MAP3K4: variants seen among roughly 807,000 people sequenced by gnomAD.
MAP3K4 encodes the protein MAP three kinase 1.
A neutral mutation model predicts 185.6 loss-of-function variants in MAP3K4; 67 were observed. That is an observed-to-expected ratio of 0.36 (90% CI 0.30 to 0.44). The LOEUF (loss-of-function observed/expected upper bound fraction) is 0.44, where lower values mean the gene tolerates loss of function less well. MAP3K4 is among the 20% of genes least tolerant of loss of function. The pLI, the probability that MAP3K4 is intolerant of heterozygous loss-of-function variation, is 1.00. For missense variants in MAP3K4, 1,551 were observed against 1,995.1 expected, an observed-to-expected ratio of 0.78 and a Z score of 4.24; for synonymous variants, 702 against 710.4, an observed-to-expected ratio of 0.99 and a Z score of 0.19.
chr6:161,070,775 T>C lies in MAP3K4; in HGVS notation c.1875T>C (p.Asn625=). The change falls in exon 4 of 27, where the codon AAT becomes AAC. Residue 625 remains asparagine, a synonymous_variant. Transcript: ENST00000392142. The surrounding 1 kb of genome is among the most constrained non-coding windows in gnomAD (Gnocchi z 4.5). ...AFLVLCRVLL[N]VIHECLKLRL... ...TAGTTCTCTGCCGAGTCCTTCTGAA[T>C]GTCATACATGAGTGTCTGAAGTTAA... 1 of 1,614,150 alleles carries C rather than the reference T, an allele frequency of 6.2e-7. No individual in the cohort carries two copies.
At chr6:161,052,886 A>G (rs755614024) in intron 3 of MAP3K4, among the ~76,000 whole-genome samples, 10 of 152,140 alleles carry the variant, frequency 6.6e-5, no homozygotes, top group South Asian at 2.1e-4. Flanking sequence ...CTTTCTTACC[A>G]TAGAACGTTG....
Position 161,084,702 on chromosome 6 carries a change from A to C in MAP3K4, c.2372+85A>C. On this transcript the variant is annotated intron_variant, in intron 7 of 26. Transcript: ENST00000392142. The surrounding 1 kb of genome is among the most constrained non-coding windows in gnomAD (Gnocchi z 4.6). ...TGAGATCCTAGAAGGAGCCTTGTTC[A>C]AACCAAATTGTGTTGGCCTGGAAGA... is the stretch of plus-strand genomic sequence containing the variant. 1.3e-6 allele frequency: 1 copy of C among 756,166 alleles called. No individual in the cohort carries two copies. The highest frequency in any genetic ancestry group is 2.3e-6 in the Non-Finnish European group (1 of 433,748). The allele number at this position is 756,166 out of a possible 1,614,324, so 46.8% of individuals were successfully genotyped here.
Position 160,991,915 on chromosome 6 carries a change from CG to C in MAP3K4, c.-13del. The C allele has an allele frequency of 6.6e-7, 1 of 1,511,016 alleles. No homozygotes were observed. Among genetic ancestry groups the C allele is most frequent in the Non-Finnish European group, 8.8e-7 (1 of 1,137,946 alleles). 93.6% of individuals were successfully genotyped at this position (1,511,016 alleles called of 1,614,324 possible). On this transcript the variant is annotated 5_prime_UTR_variant, in exon 1 of 27. Transcript: ENST00000392142. The surrounding 1 kb of genome is among the most constrained non-coding windows in gnomAD (Gnocchi z 5.7). ...CAGCTTACTGCCCGCCGCGGCCATG[CG>C]GGGCTCCGTGCACGGATGAGAGAAG...
Position 161,088,772 on chromosome 6 carries a change from A to T in MAP3K4, c.2824-550A>T, listed in dbSNP as rs1785867756. Among the ~76,000 whole-genome samples the T allele has an allele frequency of 6.6e-6, 1 of 152,136 alleles. No homozygotes were observed. Among genetic ancestry groups the T allele is most frequent in the Admixed American group, 6.5e-5 (1 of 15,272 alleles). On this transcript the variant is annotated intron_variant, in intron 10 of 26. Coordinates refer to ENST00000392142, the MANE Select transcript of MAP3K4 (RefSeq NM_005922.4). This position sits in a 1 kb window ranked among gnomAD's most constrained non-coding sequence, Gnocchi z 4.5. The stretch of plus-strand genomic sequence containing the variant: ...TCTGACTTTGAGTTTCCCTGCTTCA[A>T]ACCTCACCTTCTGTCTCTCCAATTC...
rs751194442 is a variant in MAP3K4 at position 161,009,299 on chromosome 6, G to A, written c.152+17216G>A. On this transcript the variant is annotated intron_variant, in intron 1 of 26. Coordinates refer to ENST00000392142, the MANE Select transcript of MAP3K4 (RefSeq NM_005922.4). ...GTGGCCGCCTGAACCATTTTTAAGG[G>A]TACAGTTCAGTAGCGTTGTTAAGTA... is the stretch of plus-strand genomic sequence containing the variant. 6.0e-4 allele frequency among the ~76,000 whole-genome samples: 91 copies of A among 152,048 alleles called. 2 individuals are homozygous for A. Among genetic ancestry groups the A allele is most frequent in the Admixed American group, 1.1e-3 (17 of 15,252 alleles).
In MAP3K4 at chr6:161,048,712, G is replaced by A. The variant is rs200950731; in HGVS notation, c.440G>A (p.Arg147Gln). 7.4e-6 allele frequency: 12 copies of A among 1,613,836 alleles called. No homozygotes were observed. The Admixed American group carries it at 1.0e-4, about 13-fold the overall frequency. ...AGCTATAAGCAGGAGAAAAAGATCC[G>A]AGCAGCTCTTAGAACAACAGAGCGT... ...EYSYKQEKKIRAALRTTERDR... is the reference protein window; with the variant it reads ...EYSYKQEKKIQAALRTTERDR... The change falls in exon 3 of 27, where the codon CGA becomes CAA. Residue 147 changes from arginine to glutamine, a missense_variant. By Grantham distance (43) the Arg-to-Gln change is conservative. Around this residue, in one of 16 missense-constraint regions of MAP3K4, gnomAD observed 287 missense variants for 268.8 expected, o/e 1.07. Transcript: ENST00000392142. The surrounding 1 kb of genome is among the most constrained non-coding windows in gnomAD (Gnocchi z 4.7).
chr6:161,045,298 T>C (rs150812102), intron 2 of MAP3K4, among the ~76,000 whole-genome samples: 2 of 152,332 alleles, frequency 1.3e-5, no homozygotes, highest in East Asian at 3.9e-4. Context: ...ACCTACTATG[T>C]AGGTCCAAAT....
chr6:161,013,135 A>G (rs1344534582), intron 1 of MAP3K4, among the ~76,000 whole-genome samples: 4 of 152,228 alleles, frequency 2.6e-5, no homozygotes, highest in African/African-American at 9.6e-5. Context: ...AGGTCATATT[A>G]GTGCTTACCT....
chr6:161,001,523 A>G (rs1045887815), intron 1 of MAP3K4, among the ~76,000 whole-genome samples: 1 of 152,068 alleles, frequency 6.6e-6, no homozygotes, highest in African/African-American at 2.4e-5. Flanking sequence ...TTGTAATTAT[A>G]TATTTGTGTA....
In MAP3K4 at chr6:161,065,832, G is replaced by A. The variant is rs541825234; in HGVS notation, c.1708-4776G>A. On this transcript the variant is annotated intron_variant, in intron 3 of 26. Coordinates refer to ENST00000392142, the MANE Select transcript of MAP3K4 (RefSeq NM_005922.4). ...GGGAGCCTGTAGTCCCAGCTACTCGGGAGGCTGAGGCAGGAGAATGGCGTG... is the reference window on the plus strand; with the variant it reads ...GGGAGCCTGTAGTCCCAGCTACTCGAGAGGCTGAGGCAGGAGAATGGCGTG... 1.5e-3 allele frequency among the ~76,000 whole-genome samples: 219 copies of A among 151,028 alleles called. 1 individual carries two copies. The highest frequency in any genetic ancestry group is 1.7e-3 in the Non-Finnish European group (114 of 67,852).
chr6:161,000,799 G>T (rs575045097), intron 1 of MAP3K4, among the ~76,000 whole-genome samples: 1 of 142,068 alleles, frequency 7.0e-6, no homozygotes, highest in African/African-American at 2.9e-5. Context: ...ACACACATGT[G>T]TACACCCATA....
At position 161,089,442 on chromosome 6, in the gene MAP3K4, G is replaced by A; in HGVS notation, c.2944G>A (p.Val982Ile). ...LCQEQTSSQP[V>I]IAKALQQLKN... ...CCAGGAGCAGACATCCAGTCAGCCG[G>A]TCATCGCCAAAGCTTTGCAGCAGCT... The change falls in exon 11 of 27, where the codon GTC (valine) becomes ATC (isoleucine). Residue 982 changes from valine to isoleucine, a missense_variant. By Grantham distance (29) the Val-to-Ile change is conservative. This residue lies in a region of MAP3K4 where 261 missense variants were observed against 306.5 expected (regional missense o/e 0.85). Coordinates refer to ENST00000392142, the MANE Select transcript of MAP3K4 (RefSeq NM_005922.4). 3 of 1,614,172 alleles carry A rather than the reference G, an allele frequency of 1.9e-6. No individual in the cohort carries two copies. The highest frequency in any genetic ancestry group is 1.7e-6 in the Non-Finnish European group (2 of 1,180,030).
chr6:161,027,183 A>G (rs1361676365), intron 1 of MAP3K4, among the ~76,000 whole-genome samples: 1 of 152,202 alleles, frequency 6.6e-6, no homozygotes, highest in Non-Finnish European at 1.5e-5. Flanking sequence ...GCGGATAGCT[A>G]ATAGTCTACT....
Position 161,086,526 on chromosome 6 carries a change from TTTATC to T in MAP3K4, c.2472+53_2473-49del, listed in dbSNP as rs1421005341. 4 of 1,601,546 alleles carry T rather than the reference TTTATC, an allele frequency of 2.5e-6. No individual in the cohort carries two copies. On this transcript the variant is annotated intron_variant, in intron 8 of 26. Transcript: ENST00000392142. The surrounding 1 kb of genome is among the most constrained non-coding windows in gnomAD (Gnocchi z 4.8). ...TTAGTACCTTTTTTCTTGTTTTTCTTTTATCTTATTTTTTTAATGCTAACCGTAAA... is the reference window on the plus strand; with the variant it reads ...TTAGTACCTTTTTTCTTGTTTTTCTTTTATTTTTTTAATGCTAACCGTAAA...
chr6:161,047,398 A>G (rs1377640392), intron 2 of MAP3K4, among the ~76,000 whole-genome samples: 1 of 151,960 alleles, frequency 6.6e-6, no homozygotes, highest in Non-Finnish European at 1.5e-5. Flanking sequence ...CCTGTCTCAG[A>G]AAAAAAGAAA....
At chr6:161,038,738 A>G (rs1783299344) in intron 2 of MAP3K4, among the ~76,000 whole-genome samples, 1 of 152,240 alleles carries the variant, frequency 6.6e-6, no homozygotes, top group African/African-American at 2.4e-5. Flanking sequence ...CTTGGCTGGA[A>G]TAGCTCAGTT....
At chr6:161,020,902 G>A (rs1782356709) in intron 1 of MAP3K4, among the ~76,000 whole-genome samples, 1 of 152,056 alleles carries the variant, frequency 6.6e-6, no homozygotes, top group African/African-American at 2.4e-5. Context: ...GGGCCTTTAA[G>A]CCCCACATTT....
intron 25 of MAP3K4, among the ~76,000 whole-genome samples, chr6:161,113,695 T>A (rs1396422676): frequency 1.3e-5 from 2 of 151,952 alleles, no homozygotes. Context: ...AGATTGTCTG[T>A]TAACAAAAGA....
Position 161,108,045 on chromosome 6 carries a change from T to C in MAP3K4, c.4119+76T>C. 1 of 1,343,266 alleles carries C rather than the reference T, an allele frequency of 7.4e-7. No homozygotes were observed. The highest frequency in any genetic ancestry group is 1.2e-5 in the South Asian group (1 of 80,886). 83.2% of individuals were successfully genotyped at this position (1,343,266 alleles called of 1,614,324 possible). A position where few individuals can be genotyped will look rare whatever the true frequency, so the allele number is the denominator to read the frequency against. On this transcript the variant is annotated intron_variant, in intron 21 of 26. Coordinates refer to ENST00000392142, the MANE Select transcript of MAP3K4 (RefSeq NM_005922.4). The surrounding 1 kb of genome is among the most constrained non-coding windows in gnomAD (Gnocchi z 5.7). ...AGAAATTCCGTATAGACGCTGGTCG[T>C]GATTCAGTTCTCTGTGCGTAGAGCT...
Sources: allele counts gnomAD v4.1 joint callset (sites outside exome capture counted in the v4.1 genomes callset), GRCh38; gene constraint gnomAD v4.1.1; regional missense constraint gnomAD v4.1.1; non-coding constraint Gnocchi (gnomAD v3.1); transcripts MANE v1.5; gene names NCBI Gene and HGNC (gene_info 2026-07-23, HGNC 2026-07-21).